The following SYN3 variants were observed in gnomAD, a reference collection of about 807,000 sequenced individuals.
SYN3 encodes synapsin III, also known as synapsin-3.
In SYN3, 35 loss-of-function variants were observed where a neutral mutation model predicts 65.8. That is an observed-to-expected ratio of 0.53 (90% CI 0.41 to 0.70). SYN3 has a LOEUF of 0.70. SYN3 is among the 30% of genes least tolerant of loss of function. The pLI, the probability that SYN3 is intolerant of heterozygous loss-of-function variation, is 0.00. For synonymous variants in SYN3, 270 were observed against 292.9 expected, an observed-to-expected ratio of 0.92 and a Z score of 0.80; for missense variants, 680 against 749.0, an observed-to-expected ratio of 0.91 and a Z score of 1.08.
chr22:32,664,945 AC>A, intron 6 of SYN3, among the ~76,000 whole-genome samples: 1 of 108,622 alleles, frequency 9.2e-6, no homozygotes, highest in South Asian at 3.1e-4. Flanking sequence ...AACCCCTCCC[AC>A]CCTTTCCTCC....
chr22:32,973,162 C>T (rs1408362916), intron 3 of SYN3, among the ~76,000 whole-genome samples: 1 of 152,162 alleles, frequency 6.6e-6, no homozygotes, highest in African/African-American at 2.4e-5. Flanking sequence ...GTAATCAATC[C>T]TCCTTGTTAA....
intron 4 of SYN3, among the ~76,000 whole-genome samples, chr22:32,917,698 C>G (rs1173803286): frequency 6.6e-6 from 1 of 152,356 alleles, no homozygotes; most frequent in East Asian, 1.9e-4. Context: ...AGTTTCTGTG[C>G]TTCTGGGAAT....
At chr22:32,796,225 T>C (rs538449422) in intron 6 of SYN3, among the ~76,000 whole-genome samples, 1 of 152,260 alleles carries the variant, frequency 6.6e-6, no homozygotes, top group East Asian at 1.9e-4. Flanking sequence ...TACACACACA[T>C]ACATGCACAT....
chr22:32,733,235 G>T (rs1448058958), intron 6 of SYN3, among the ~76,000 whole-genome samples: 2 of 152,174 alleles, frequency 1.3e-5, no homozygotes, highest in African/African-American at 4.8e-5. Context: ...AGCAGCATCA[G>T]CATCGACAGA....
intron 6 of SYN3, among the ~76,000 whole-genome samples, chr22:32,772,102 A>T (rs558113855): frequency 6.6e-6 from 1 of 152,186 alleles, no homozygotes; most frequent in East Asian, 1.9e-4. Flanking sequence ...GGAAGAAAGG[A>T]TCCTACATTG....
intron 7 of SYN3, among the ~76,000 whole-genome samples, chr22:32,548,180 A>G (rs754689533): frequency 1.3e-5 from 2 of 152,080 alleles, no homozygotes; most frequent in Non-Finnish European, 2.9e-5. Context: ...CCCTCCCTCT[A>G]TCCAGAATCC....
intron 1 of SYN3, among the ~76,000 whole-genome samples, chr22:33,021,159 C>T (rs1271560362): frequency 6.6e-6 from 1 of 152,124 alleles, no homozygotes; most frequent in Non-Finnish European, 1.5e-5. Flanking sequence ...TGACTTTGAG[C>T]CCCACCTCTG....
intron 6 of SYN3, among the ~76,000 whole-genome samples, chr22:32,745,546 C>T (rs544148391): frequency 1.3e-5 from 2 of 152,330 alleles, no homozygotes; most frequent in East Asian, 3.9e-4. Flanking sequence ...CCTCCCACTG[C>T]TCCGGGAACT....
chr22:32,872,936 CTTTTT>C (rs35506480), intron 4 of SYN3, among the ~76,000 whole-genome samples: 1 of 115,198 alleles, frequency 8.7e-6, no homozygotes. Flanking sequence ...GCCCTAAGCA[CTTTTT>C]TTTTTTTTTT....
intron 4 of SYN3, among the ~76,000 whole-genome samples, chr22:32,903,516 T>G (rs1210793840): frequency 2.0e-5 from 3 of 152,076 alleles, no homozygotes; most frequent in East Asian, 3.9e-4. Flanking sequence ...AGCTTGTGGG[T>G]AGGGGGAGGG....
chr22:32,859,288 G>A (rs1487873728), intron 6 of SYN3: 21 of 1,613,958 alleles, frequency 1.3e-5, no homozygotes, highest in Admixed American at 1.7e-5. Flanking sequence ...CAAACACTAC[G>A]CCTGCATCCG....
intron 1 of SYN3, among the ~76,000 whole-genome samples, chr22:33,010,737 C>T (rs186468558): frequency 6.6e-6 from 1 of 152,284 alleles, no homozygotes; most frequent in East Asian, 1.9e-4. Flanking sequence ...GTAGAATTGT[C>T]ACTGAACAAT....
chr22:32,997,007 C>T (rs1207849944), intron 2 of SYN3, among the ~76,000 whole-genome samples: 2 of 151,758 alleles, frequency 1.3e-5, no homozygotes, highest in African/African-American at 2.4e-5. Context: ...CCCCAGGGTC[C>T]TGCTCCCCGA....
rs546588078 is a variant in SYN3 at position 32,936,979 on chromosome 22, C to T, written c.370-5498G>A. On this transcript the variant is annotated intron_variant, in intron 3 of 13. Coordinates refer to ENST00000358763, the MANE Select transcript of SYN3 (RefSeq NM_003490.4). The stretch of plus-strand genomic sequence containing the variant: ...AATGGATCAAGTTTATTACAAGTAA[C>T]TTAACTGCATCTCAGAAAAAACTAA... Among the ~76,000 whole-genome samples the T allele has an allele frequency of 5.3e-5, 8 of 152,320 alleles. No homozygotes were observed. The East Asian group carries it at 1.5e-3, about 29-fold the overall frequency.
intron 6 of SYN3, among the ~76,000 whole-genome samples, chr22:32,829,241 G>C (rs1051628596): frequency 3.9e-5 from 6 of 152,192 alleles, no homozygotes; most frequent in Non-Finnish European, 8.8e-5. Flanking sequence ...TACCCTCTTT[G>C]ATCTAAACCC....
intron 7 of SYN3, among the ~76,000 whole-genome samples, chr22:32,580,436 TTTTATTATTA>T (rs762963248): frequency 1.3e-5 from 2 of 152,190 alleles, no homozygotes; most frequent in Non-Finnish European, 2.9e-5. Flanking sequence ...AATTGTCTGA[TTTTATTATTA>T]TTTATTATTA....
chr22:32,578,749 T>C (rs2058892176), intron 7 of SYN3, among the ~76,000 whole-genome samples: 1 of 152,248 alleles, frequency 6.6e-6, no homozygotes. Context: ...AGACAAAATG[T>C]ATTCCTCATT....
intron 1 of SYN3, among the ~76,000 whole-genome samples, chr22:33,025,289 A>T (rs1375000201): frequency 6.6e-6 from 1 of 152,034 alleles, no homozygotes; most frequent in Non-Finnish European, 1.5e-5. Flanking sequence ...CCCCGTCTCT[A>T]CTAAAAATAC....
intron 6 of SYN3, among the ~76,000 whole-genome samples, chr22:32,618,717 C>T (rs924999095): frequency 5.3e-5 from 8 of 152,164 alleles, no homozygotes; most frequent in Non-Finnish European, 8.8e-5. Flanking sequence ...CCTGGGACAA[C>T]ATCATGAGCT....
Sources: gnomAD v4.1 joint callset for allele counts (sites outside exome capture counted in the v4.1 genomes callset) on GRCh38, gnomAD v4.1.1 for gene constraint, MANE v1.5 for transcripts, NCBI Gene and HGNC (gene_info 2026-07-23, HGNC 2026-07-21) for gene names.